TBL1Y: variants seen among roughly 807,000 people sequenced by gnomAD.
TBL1Y encodes F-box-like/WD repeat-containing protein TBL1Y.
Under a neutral mutation model 12.0 loss-of-function variants are expected in TBL1Y, and 15 were observed. The ratio of observed to expected loss-of-function variants is 1.25; its 90% CI spans 0.83 to 1.92. The LOEUF (loss-of-function observed/expected upper bound fraction) is 1.92, where lower values mean the gene tolerates loss of function less well. TBL1Y is among the 40% of genes most tolerant of loss of function. The pLI, the probability that TBL1Y is intolerant of heterozygous loss-of-function variation, is 0.00. For synonymous variants in TBL1Y, 53 were observed against 42.6 expected (o/e 1.24, Z -0.95); for missense variants, 148 against 116.7 (o/e 1.27, Z -1.24).
At chrY:7,031,141 C>T (rs2012653191) in intron 6 of TBL1Y, among the ~76,000 whole-genome samples, 1 of 33,178 alleles carries the variant, frequency 3.0e-5, no homozygotes, top group East Asian at 8.0e-4. Flanking sequence ...TGATGTCATT[C>T]AGATGAGTTA....
chrY:6,969,857 C>G (rs2012196569), intron 2 of TBL1Y, among the ~76,000 whole-genome samples: 1 of 32,432 alleles, frequency 3.1e-5, no homozygotes, highest in Non-Finnish European at 7.5e-5. Context: ...ATTCACATAA[C>G]AAACACCTAT....
intron 7 of TBL1Y, among the ~76,000 whole-genome samples, chrY:7,062,607 G>C: frequency 3.1e-5 from 1 of 32,776 alleles, no homozygotes; most frequent in Admixed American, 2.7e-4. Flanking sequence ...TTTGGGGTCA[G>C]GTTCAAGGTT....
intron 2 of TBL1Y, among the ~76,000 whole-genome samples, chrY:6,937,405 T>C (rs2011910472): frequency 3.0e-5 from 1 of 33,291 alleles, no homozygotes; most frequent in Admixed American, 2.8e-4. Flanking sequence ...ACCCTGTTTC[T>C]ACTAAAAATA....
chrY:7,063,790 C>A, intron 7 of TBL1Y, 107 bp from the exon 8 acceptor site: 1 of 292,477 alleles, frequency 3.4e-6, no homozygotes, highest in Non-Finnish European at 5.2e-6. Context: ...TGGGAGCCAG[C>A]TATTTATGCT....
chrY:6,962,882 C>T, intron 2 of TBL1Y, among the ~76,000 whole-genome samples: 1 of 33,381 alleles, frequency 3.0e-5, no homozygotes, highest in Admixed American at 2.7e-4. Flanking sequence ...TTTTACTATT[C>T]GTAGTCTTGC....
chrY:7,062,882 C>G (rs919462951), intron 7 of TBL1Y, among the ~76,000 whole-genome samples: 3 of 34,023 alleles, frequency 8.8e-5, no homozygotes, highest in East Asian at 7.9e-4. Flanking sequence ...ACTGAACCCC[C>G]TGCGGCTTTC....
intron 2 of TBL1Y, among the ~76,000 whole-genome samples, chrY:6,947,072 C>T (rs2011990032): frequency 3.0e-5 from 1 of 33,190 alleles, no homozygotes; most frequent in Admixed American, 2.8e-4. Context: ...TTTTGGGGCC[C>T]AAGATATCTT....
chrY:7,064,451 G>A (rs2012955487), intron 8 of TBL1Y, among the ~76,000 whole-genome samples: 1 of 33,186 alleles, frequency 3.0e-5, no homozygotes, highest in Admixed American at 2.7e-4. Flanking sequence ...TTTAATTCAT[G>A]GACAAATTTA....
intron 2 of TBL1Y, among the ~76,000 whole-genome samples, chrY:6,933,895 T>A: frequency 3.0e-5 from 1 of 33,273 alleles, no homozygotes; most frequent in Non-Finnish European, 7.4e-5. Flanking sequence ...GTTTTGCACC[T>A]GCTGATAGCT....
Position 7,056,653 on chromosome Y carries a change from C to T in TBL1Y, c.205-7244C>T, listed in dbSNP as rs375169368. ...ATAAATGGCCTTTTTGTCCTGAATG[C>T]CCCAACTGGGTTTGACATTCCGAAC... is the stretch of plus-strand genomic sequence containing the variant. On this transcript the variant is annotated intron_variant, in intron 7 of 18. Coordinates refer to ENST00000383032, the MANE Select transcript of TBL1Y (RefSeq NM_033284.2). 2.3e-3 allele frequency among the ~76,000 whole-genome samples: 78 copies of T among 33,204 alleles called. No homozygotes were observed. In the East Asian group the frequency reaches 0.06, roughly 26 times the overall value. 89.1% of individuals were successfully genotyped at this position (33,204 alleles called of 37,273 possible).
intron 6 of TBL1Y, among the ~76,000 whole-genome samples, chrY:7,036,509 TGG>T (rs2012694620): frequency 3.0e-5 from 1 of 33,362 alleles, no homozygotes; most frequent in Admixed American, 2.7e-4. Context: ...ACTAGCAAGG[TGG>T]GCAGGGGGTG....
At chrY:7,025,215 T>C in intron 6 of TBL1Y, 73 bp downstream of exon 6, 1 of 303,314 alleles carries the variant, frequency 3.3e-6, no homozygotes, top group Non-Finnish European at 5.0e-6. Context: ...CAACCCTTGA[T>C]TCAAAACCAG....
chrY:7,088,238 C>G lies in TBL1Y; in HGVS notation c.1446+806C>G, dbSNP rs2013152454. Among the ~76,000 whole-genome samples the G allele has an allele frequency of 9.1e-5, 3 of 33,023 alleles. No individual in the cohort carries two copies. In the East Asian group the frequency reaches 2.4e-3, roughly 27 times the overall value. The allele number at this position is 33,023 out of a possible 37,273, so 88.6% of individuals were successfully genotyped here. ...ATTCTGAGAGAGAAGTGATGATGCT[C>G]TAGGAGCTATTGAAAATAACCAAGG... On this transcript the variant is annotated intron_variant, in intron 17 of 18. Transcript: ENST00000383032.
intron 2 of TBL1Y, among the ~76,000 whole-genome samples, chrY:6,940,239 G>C (rs2011943324): frequency 3.3e-5 from 1 of 30,109 alleles, no homozygotes; most frequent in Non-Finnish European, 7.9e-5. Context: ...TCCAGCTGGA[G>C]GACAGACTCC....
intron 6 of TBL1Y, among the ~76,000 whole-genome samples, chrY:7,034,156 C>A (rs2012673367): frequency 3.0e-5 from 1 of 33,255 alleles, no homozygotes; most frequent in Admixed American, 2.8e-4. Context: ...AATCAATGTG[C>A]AAAAAGTACA....
intron 7 of TBL1Y, 152 bp from the exon 8 acceptor site, chrY:7,063,745 G>A: frequency 5.8e-6 from 1 of 173,687 alleles, no homozygotes; most frequent in Non-Finnish European, 1.1e-5. Context: ...TATCTAACAG[G>A]GTCTATGCTA....
At chrY:7,063,521 T>C (rs767108627) in intron 7 of TBL1Y, among the ~76,000 whole-genome samples, 12 of 31,841 alleles carry the variant, frequency 3.8e-4, no homozygotes, top group South Asian at 7.4e-4. Context: ...ATGGAGTAGG[T>C]AATCGGAATG....
At chrY:6,920,982 T>C (rs2011773909) in intron 2 of TBL1Y, among the ~76,000 whole-genome samples, 2 of 32,917 alleles carry the variant, frequency 6.1e-5, no homozygotes, top group African/African-American at 2.4e-4. Flanking sequence ...GGAGACCCTG[T>C]GAAAGCAGCA....
intron 8 of TBL1Y, 78 bp downstream of exon 8, chrY:7,064,227 G>C: frequency 3.0e-6 from 1 of 330,470 alleles, no homozygotes; most frequent in African/African-American, 7.0e-5. Context: ...CAGTCTGAAT[G>C]CCTTCTTAAA....
Sources: gnomAD v4.1 joint callset for allele counts (sites outside exome capture counted in the v4.1 genomes callset) on GRCh38, gnomAD v4.1.1 for gene constraint, MANE v1.5 for transcripts, NCBI Gene and HGNC (gene_info 2026-07-23, HGNC 2026-07-21) for gene names.